The following ADAM22 variants were observed in gnomAD, a reference collection of about 807,000 sequenced individuals.
ADAM22 encodes ADAM metallopeptidase domain 22.
ADAM22 carries 65 observed loss-of-function variants against 144.6 expected under a neutral mutation model. The observed-to-expected ratio is 0.45, with a 90% confidence interval of 0.37 to 0.55. ADAM22 has a LOEUF of 0.55. Among genes scored for constraint, ADAM22 ranks in the 20% least tolerant of loss-of-function variants. ADAM22 has a pLI of 0.00. For synonymous variants in ADAM22, 391 were observed against 412.6 expected, an observed-to-expected ratio of 0.95 and a Z score of 0.63; for missense variants, 974 against 1,184.9, an observed-to-expected ratio of 0.82 and a Z score of 2.61.
At chr7:88,115,148 G>A (rs1336557746) in intron 6 of ADAM22, among the ~76,000 whole-genome samples, 1 of 152,156 alleles carries the variant, frequency 6.6e-6, no homozygotes. Flanking sequence ...GGGAAGTTAA[G>A]GCAGAAGTAT....
At chr7:88,099,373 C>G (rs1374826683) in intron 4 of ADAM22, among the ~76,000 whole-genome samples, 2 of 152,102 alleles carry the variant, frequency 1.3e-5, no homozygotes, top group African/African-American at 4.8e-5. Flanking sequence ...GCCTTAATTC[C>G]CAGAGGGTAA....
At chr7:88,082,031 G>A (rs1405382145) in intron 4 of ADAM22, among the ~76,000 whole-genome samples, 1 of 152,012 alleles carries the variant, frequency 6.6e-6, no homozygotes, top group Non-Finnish European at 1.5e-5. Context: ...ATTGCCACGT[G>A]AATCCTAAGC....
At chr7:88,010,302 T>C (rs1405310214) in intron 3 of ADAM22, among the ~76,000 whole-genome samples, 1 of 152,202 alleles carries the variant, frequency 6.6e-6, no homozygotes. Flanking sequence ...TGAATTTGCT[T>C]TAAGACTTTT....
At chr7:88,164,271 A>G (rs562401483) in intron 23 of ADAM22, among the ~76,000 whole-genome samples, 2 of 152,114 alleles carry the variant, frequency 1.3e-5, no homozygotes, top group Non-Finnish European at 2.9e-5. Context: ...GAAACAAAAC[A>G]CAAGAGACCA....
At chr7:88,166,899 CT>C (rs1843067314) in intron 24 of ADAM22, among the ~76,000 whole-genome samples, 2 of 152,146 alleles carry the variant, frequency 1.3e-5, no homozygotes, top group South Asian at 4.1e-4. Context: ...TGTTAAGTCC[CT>C]GGAAAAAAAG....
intron 2 of ADAM22, 117 bp from the exon 3 acceptor site, chr7:87,978,219 C>T: frequency 1.3e-6 from 1 of 791,846 alleles, no homozygotes; most frequent in South Asian, 2.0e-5. Flanking sequence ...ACTTATTCTC[C>T]ATGTTGAATT....
At chr7:87,964,278 T>C (rs1191444839) in intron 2 of ADAM22, among the ~76,000 whole-genome samples, 1 of 152,230 alleles carries the variant, frequency 6.6e-6, no homozygotes, top group Non-Finnish European at 1.5e-5. Context: ...ACAAGCACTG[T>C]TGGATGTATA....
intron 27 of ADAM22, among the ~76,000 whole-genome samples, chr7:88,180,428 A>T (rs1846709864): frequency 6.6e-6 from 1 of 152,096 alleles, no homozygotes; most frequent in Non-Finnish European, 1.5e-5. Context: ...TCATTCTGTG[A>T]GTAGCAAATG....
chr7:88,049,185 A>G (rs1805507158), intron 3 of ADAM22, among the ~76,000 whole-genome samples: 1 of 152,238 alleles, frequency 6.6e-6, no homozygotes, highest in Admixed American at 6.5e-5. Flanking sequence ...GCTAACTAGC[A>G]GATTTCAAGC....
intron 3 of ADAM22, among the ~76,000 whole-genome samples, chr7:87,992,255 C>T (rs944245533): frequency 2.0e-5 from 3 of 152,020 alleles, no homozygotes; most frequent in Non-Finnish European, 4.4e-5. Context: ...AAGGATATAG[C>T]GATATGAAAG....
chr7:88,016,277 A>G (rs1191070289), intron 3 of ADAM22, among the ~76,000 whole-genome samples: 2 of 152,086 alleles, frequency 1.3e-5, no homozygotes, highest in African/African-American at 4.8e-5. Context: ...TTTCATATCC[A>G]TTGTCATTTG....
chr7:88,093,463 G>A (rs10952910), intron 4 of ADAM22, among the ~76,000 whole-genome samples: 78,717 of 151,816 alleles, frequency 0.52, 21,288 homozygotes, highest in East Asian at 0.88. Context: ...AGTGTTTACA[G>A]CCTTTTTGAA....
At chr7:88,174,646 G>A (rs1044388309) in intron 26 of ADAM22, among the ~76,000 whole-genome samples, 1 of 152,042 alleles carries the variant, frequency 6.6e-6, no homozygotes, top group Non-Finnish European at 1.5e-5. Flanking sequence ...ACTGAACTTA[G>A]ATACATAAAA....
At chr7:87,948,506 T>C (rs1209816513) in intron 2 of ADAM22, among the ~76,000 whole-genome samples, 2 of 152,184 alleles carry the variant, frequency 1.3e-5, no homozygotes, top group Admixed American at 6.6e-5. Context: ...TAAAATCATT[T>C]TCCTAGTTCT....
At chr7:88,111,775 T>C (rs950782604) in intron 5 of ADAM22, among the ~76,000 whole-genome samples, 12 of 152,180 alleles carry the variant, frequency 7.9e-5, no homozygotes, top group Admixed American at 6.5e-5. Flanking sequence ...ATTTCAGTTC[T>C]CAAAGCATAT....
chr7:88,005,672 G>T (rs115583299), intron 3 of ADAM22, among the ~76,000 whole-genome samples: 1 of 152,114 alleles, frequency 6.6e-6, no homozygotes, highest in Admixed American at 6.5e-5. Context: ...CACATTAACC[G>T]TATTTCACTA....
rs1335047593 is a variant in ADAM22, at chr7:87,934,454, G to C, written c.-12G>C. On this transcript the variant is annotated 5_prime_UTR_variant, in exon 1 of 32. Transcript: ENST00000413139. ...CTGAGCGTCTCGGGCGAGGCGGGCTGACGGCAGCACCATGCAGGCGGCAGT... is the reference window on the plus strand; with the variant it reads ...CTGAGCGTCTCGGGCGAGGCGGGCTCACGGCAGCACCATGCAGGCGGCAGT... The C allele has an allele frequency of 1.3e-6, 2 of 1,583,616 alleles. No homozygotes were observed. Among genetic ancestry groups the C allele is most frequent in the Non-Finnish European group, 1.7e-6 (2 of 1,169,952 alleles).
At chr7:88,025,311 C>G (rs1798769866) in intron 3 of ADAM22, among the ~76,000 whole-genome samples, 1 of 152,056 alleles carries the variant, frequency 6.6e-6, no homozygotes, top group Non-Finnish European at 1.5e-5. Flanking sequence ...ATATTTTTTC[C>G]CATTCTGTGC....
intron 3 of ADAM22, among the ~76,000 whole-genome samples, chr7:88,028,595 A>G (rs1799543881): frequency 6.6e-6 from 1 of 151,990 alleles, no homozygotes; most frequent in Non-Finnish European, 1.5e-5. Context: ...ATCTCCAGCT[A>G]TTATTGTATT....
Sources: gnomAD v4.1 joint callset for allele counts (sites outside exome capture counted in the v4.1 genomes callset) on GRCh38, gnomAD v4.1.1 for gene constraint, MANE v1.5 for transcripts, NCBI Gene and HGNC (gene_info 2026-07-23, HGNC 2026-07-21) for gene names.